NTN5: variants seen among roughly 807,000 people sequenced by gnomAD.
NTN5 encodes the protein netrin-5.
NTN5 carries 42 observed loss-of-function variants against 38.7 expected under a neutral mutation model. That is an observed-to-expected ratio of 1.08 (90% CI 0.85 to 1.40). The LOEUF (loss-of-function observed/expected upper bound fraction) is 1.40. Ranked by LOEUF, NTN5 falls within the 40% of genes most tolerant of loss-of-function variation. The pLI, the probability that NTN5 is intolerant of heterozygous loss-of-function variation, is 0.00. For synonymous variants in NTN5, 329 were observed against 303.9 expected, an observed-to-expected ratio of 1.08 and a Z score of -0.86; for missense variants, 658 against 716.5, an observed-to-expected ratio of 0.92 and a Z score of 0.93.
intron 6 of NTN5, chr19:48,662,725 G>A (rs2031582424): frequency 6.4e-6 from 1 of 156,048 alleles, no homozygotes; most frequent in East Asian, 1.9e-4. Flanking sequence ...CAAAGTGCTG[G>A]GATTATTAGC....
chr19:48,664,376 TG>T, intron 3 of NTN5, 84 bp from the exon 4 acceptor site: 2 of 1,509,382 alleles, frequency 1.3e-6, no homozygotes, highest in Non-Finnish European at 9.0e-7. Context: ...TCCCTCAGCC[TG>T]GGGAGTCCAG....
intron 1 of NTN5, 51 bp from the exon 2 acceptor site, chr19:48,671,057 C>G: frequency 3.6e-6 from 5 of 1,378,546 alleles, no homozygotes; most frequent in Non-Finnish European, 4.8e-6. Context: ...CAGCCTCTAC[C>G]CCTCCTGGAG....
In NTN5 at chr19:48,661,434, G is replaced by A. The variant is rs1190198809; in HGVS notation, c.*243C>T. ...CCCAAAGATTTGAGACTTTATTGGG[G>A]GAAACAGATCACTGGCGGGGAATAA... On this transcript the variant is annotated 3_prime_UTR_variant, in exon 7 of 7. Transcript: ENST00000270235. The A allele has an allele frequency of 2.5e-6, 1 of 397,930 alleles. No homozygotes were observed. Among genetic ancestry groups the A allele is most frequent in the Non-Finnish European group, 4.4e-6 (1 of 227,140 alleles). The allele number at this position is 397,930 out of a possible 1,614,324, so 24.6% of individuals were successfully genotyped here. A position where few individuals can be genotyped will look rare whatever the true frequency, so the allele number is the denominator to read the frequency against.
intron 2 of NTN5, among the ~76,000 whole-genome samples, chr19:48,665,509 G>A (rs532492787): frequency 1.3e-4 from 19 of 151,576 alleles, no homozygotes; most frequent in African/African-American, 4.4e-4. Context: ...CTGAACATCT[G>A]TGAAACTGGG....
rs368780671 is a variant in NTN5 at position 48,664,670 on chromosome 19, G to A, written c.729C>T (p.Arg243=). 15 of 1,612,084 alleles carry A rather than the reference G, an allele frequency of 9.3e-6. No homozygotes were observed. In the Admixed American group the frequency reaches 1.3e-4, roughly 14 times the overall value. ...GRSGGVCERC[R]HHTAGRHCHY... ...GGCAGTGCCGCCCAGCTGTGTGGTG[G>A]CGGCACCGCTCACAAACACCCCCAC... Residue 243 remains arginine, a synonymous_variant, in exon 3 of 7, where the codon CGC becomes CGT. Coordinates refer to ENST00000270235, the MANE Select transcript of NTN5 (RefSeq NM_145807.4).
intron 2 of NTN5, chr19:48,667,211 C>A (rs66514709): frequency 0.16 from 26,205 of 165,232 alleles, 2,194 homozygotes; most frequent in East Asian, 0.25. Flanking sequence ...TGCCTCACTT[C>A]CCCTGTGGAG....
Position 48,669,552 on chromosome 19 carries a change from C to T in NTN5, c.631+804G>A, listed in dbSNP as rs796160495. Among the ~76,000 whole-genome samples the T allele has an allele frequency of 3.8e-4, 10 of 26,036 alleles. 2 individuals carry two copies. Among genetic ancestry groups the T allele is most frequent in the Non-Finnish European group, 4.3e-4 (5 of 11,634 alleles). The allele number at this position is 26,036 out of a possible 152,430, so 17.1% of individuals were successfully genotyped here. ...ATCACCACCACCATCACCACCACCA[C>T]CATCACCACCACCATCACCACCATC... On this transcript the variant is annotated intron_variant, in intron 2 of 6. Transcript: ENST00000270235.
rs755893861 is a variant in NTN5 at position 48,664,193 on chromosome 19, C to A, written c.920G>T (p.Arg307Leu). The A allele has an allele frequency of 3.1e-6, 5 of 1,609,996 alleles. No individual in the cohort carries two copies. Among genetic ancestry groups the A allele is most frequent in the South Asian group, 1.1e-5 (1 of 90,334 alleles). The stretch of plus-strand genomic sequence containing the variant: ...GCTCTGCTGGTAGCCAGGGCCACAG[C>A]GGTTGCAGGTCAGGCCTGTGACCCC... The part of the protein sequence containing the change: ...KLGVTGLTCN[R>L]CGPGYQQSRS... The change falls in exon 4 of 7, where the codon CGC becomes CTC. Residue 307 changes from arginine to leucine, a missense_variant. Physicochemically the swap from Arg to Leu is moderately radical, Grantham distance 102. Coordinates refer to ENST00000270235, the MANE Select transcript of NTN5 (RefSeq NM_145807.4).
Position 48,664,593 on chromosome 19 carries a change from C to T in NTN5, c.806G>A (p.Arg269His), listed in dbSNP as rs1438314713. ...GCCACACTCACCTCTGCAGGCCCTGCGGCTGAAGATAGGCTGGCTAGGGTC... is the reference window on the plus strand; with the variant it reads ...GCCACACTCACCTCTGCAGGCCCTGTGGCTGAAGATAGGCTGGCTAGGGTC... ...WRDPSQPIFS[R>H]RACRACQCHP... The change falls in exon 3 of 7, where the codon CGC becomes CAC. Residue 269 changes from arginine to histidine, a missense_variant. Arg to His is a conservative substitution (Grantham distance 29, BLOSUM62 0). Transcript: ENST00000270235. 7 of 1,611,720 alleles carry T rather than the reference C, an allele frequency of 4.3e-6. No individual in the cohort carries two copies. The highest frequency in any genetic ancestry group is 1.3e-5 in the African/African-American group (1 of 74,884).
At chr19:48,669,721 C>CCACCACCACCATCACCATCACCAT (rs2031867316) in intron 2 of NTN5, among the ~76,000 whole-genome samples, 2 of 107,036 alleles carry the variant, frequency 1.9e-5, no homozygotes, top group Non-Finnish European at 3.9e-5. Flanking sequence ...ACCATCACCA[C>CCACCACCACCATCACCATCACCAT]CACCACCACC....
chr19:48,661,513 T>G lies in NTN5; in HGVS notation c.*164A>C. 5 of 828,530 alleles carry G rather than the reference T, an allele frequency of 6.0e-6. No homozygotes were observed. The highest frequency in any genetic ancestry group is 8.3e-6 in the Non-Finnish European group (5 of 605,292). 51.3% of individuals were successfully genotyped at this position (828,530 alleles called of 1,614,324 possible). On this transcript the variant is annotated 3_prime_UTR_variant, in exon 7 of 7. Transcript: ENST00000270235. ...ACCAGAAGTCCCGCTTGCCGCCTTT[T>G]GCTAAAAGTTCCGCACGCCTGCTCG... is the stretch of plus-strand genomic sequence containing the variant.
In NTN5 at chr19:48,670,757, G is replaced by A. The variant is rs770726536; in HGVS notation, c.230C>T (p.Ser77Phe). 1.9e-5 allele frequency: 31 copies of A among 1,613,080 alleles called. 1 individual carries two copies. The South Asian group carries it at 3.3e-4, about 17-fold the overall frequency. The change falls in exon 2 of 7, where the codon TCT becomes TTT. Residue 77 changes from serine to phenylalanine, a missense_variant. Transcript: ENST00000270235. ...TGGGGTACAGAAGCGCAAGCTGACA[G>A]ATGTCAGGAGGAAGGGGCCACCCAG... is the stretch of plus-strand genomic sequence containing the variant. ...LALGGPFLLT[S>F]VSLRFCTPGP...
chr19:48,670,089 T>C lies in NTN5; in HGVS notation c.631+267A>G, dbSNP rs576327673. The stretch of plus-strand genomic sequence containing the variant: ...ACCACCATCATCACCATTACCACCA[T>C]CACACCATCATCATCATCATCACCA... On this transcript the variant is annotated intron_variant, in intron 2 of 6. Coordinates refer to ENST00000270235, the MANE Select transcript of NTN5 (RefSeq NM_145807.4). Among the ~76,000 whole-genome samples the C allele has an allele frequency of 6.0e-5, 9 of 149,898 alleles. No homozygotes were observed. The East Asian group carries it at 1.8e-3, about 29-fold the overall frequency.
chr19:48,672,076 C>T (rs1281014953), intron 1 of NTN5, among the ~76,000 whole-genome samples: 1 of 152,148 alleles, frequency 6.6e-6, no homozygotes, highest in East Asian at 1.9e-4. Context: ...GGCCTCAGGG[C>T]CTGGAGACCA....
intron 6 of NTN5, 134 bp downstream of exon 6, chr19:48,663,329 T>G: frequency 1.2e-6 from 1 of 840,604 alleles, no homozygotes. Context: ...AATTTCTAGA[T>G]CAGGAAGGGG....
In NTN5 at chr19:48,664,741, G is replaced by GAA; in HGVS notation, c.657_658insTT (p.Arg220PhefsTer80). The GAA allele has an allele frequency of 6.3e-7, 1 of 1,577,854 alleles. No homozygotes were observed. Among genetic ancestry groups the GAA allele is most frequent in the Non-Finnish European group, 8.6e-7 (1 of 1,162,682 alleles). On this transcript the variant is annotated frameshift_variant, in exon 3 of 7. Transcript: ENST00000270235. LOFTEE classifies it high-confidence loss of function. ...AACAGCTCAGAGTTGAACCGGCAGC[G>GAA]TCGGGCGTGCTGGTTGCAGGAGCAG...
rs927420431 is a variant in NTN5 at position 48,661,523 on chromosome 19, T to C, written c.*154A>G. On this transcript the variant is annotated 3_prime_UTR_variant, in exon 7 of 7. Coordinates refer to ENST00000270235, the MANE Select transcript of NTN5 (RefSeq NM_145807.4). ...CCGCTTGCCGCCTTTTGCTAAAAGTTCCGCACGCCTGCTCGGCGTGGGCGC... is the reference window on the plus strand; with the variant it reads ...CCGCTTGCCGCCTTTTGCTAAAAGTCCCGCACGCCTGCTCGGCGTGGGCGC... The C allele has an allele frequency of 1.9e-5, 18 of 961,760 alleles. No individual in the cohort carries two copies. Among genetic ancestry groups the C allele is most frequent in the Admixed American group, 4.4e-5 (1 of 22,920 alleles). 59.6% of individuals were successfully genotyped at this position (961,760 alleles called of 1,614,324 possible).
rs79860390 is a variant in NTN5, at chr19:48,664,206, G to A, written c.907C>T (p.Leu303=). ...CCAGGGCCACAGCGGTTGCAGGTCA[G>A]GCCTGTGACCCCTAACTTGCAGGTG... is the stretch of plus-strand genomic sequence containing the variant. ...QCTCKLGVTG[L]TCNRCGPGYQ... Residue 303 remains leucine, a synonymous_variant, in exon 4 of 7, where the codon CTG becomes TTG. Coordinates refer to ENST00000270235, the MANE Select transcript of NTN5 (RefSeq NM_145807.4). 176 of 1,611,238 alleles carry A rather than the reference G, an allele frequency of 1.1e-4. 1 individual carries two copies. The highest frequency in any genetic ancestry group is 1.5e-4 in the Non-Finnish European group (171 of 1,178,916).
At chr19:48,668,884 C>T (rs1250168217) in intron 2 of NTN5, among the ~76,000 whole-genome samples, 2 of 151,986 alleles carry the variant, frequency 1.3e-5, no homozygotes, top group Admixed American at 6.6e-5. Context: ...ACCCAAGTAC[C>T]TGCATCCAGC....
Sources: gnomAD v4.1 joint callset for allele counts (sites outside exome capture counted in the v4.1 genomes callset) on GRCh38, gnomAD v4.1.1 for gene constraint, MANE v1.5 for transcripts, NCBI Gene and HGNC (gene_info 2026-07-23, HGNC 2026-07-21) for gene names.